SLC22A5: variants seen among roughly 807,000 people sequenced by gnomAD.
SLC22A5 encodes organic cation/carnitine transporter 2.
Under a neutral mutation model 56.7 loss-of-function variants are expected in SLC22A5, and 44 were observed. The ratio of observed to expected loss-of-function variants is 0.78; its 90% CI spans 0.61 to 1.00. SLC22A5 has a LOEUF of 1.00. Among genes scored for constraint, SLC22A5 ranks in the 50% least tolerant of loss-of-function variants. The pLI, the probability that SLC22A5 is intolerant of heterozygous loss-of-function variation, is 0.00. For synonymous variants in SLC22A5, 278 were observed against 292.1 expected (o/e 0.95, Z 0.49); for missense variants, 675 against 723.0 (o/e 0.93, Z 0.76).
intron 2 of SLC22A5, 91 bp downstream of exon 2, chr5:132,378,572 T>C (rs925788725): frequency 1.1e-6 from 1 of 920,874 alleles, no homozygotes. Flanking sequence ...TAGTATTCTT[T>C]CAGCGCAGGG....
At chr5:132,394,055 A>G (rs1314101200) in intron 9 of SLC22A5, 130 bp from the exon 10 acceptor site, 1 of 798,486 alleles carries the variant, frequency 1.3e-6, no homozygotes. Flanking sequence ...CTCAGAGGCT[A>G]GAAGAAACCT....
chr5:132,370,793 CT>C (rs1751885839), intron 1 of SLC22A5, among the ~76,000 whole-genome samples: 1 of 152,192 alleles, frequency 6.6e-6, no homozygotes, highest in South Asian at 2.1e-4. Flanking sequence ...AAATACTTCT[CT>C]TTCCTGAACT....
At chr5:132,378,884 C>T (rs1752246794) in intron 2 of SLC22A5, 1 of 254,062 alleles carries the variant, frequency 3.9e-6, no homozygotes, top group African/African-American at 2.2e-5. Flanking sequence ...GTGTCTGCCT[C>T]TGTAGTCCCA....
At position 132,387,498 on chromosome 5, in the gene SLC22A5, T is replaced by C. The variant is rs145939371; in HGVS notation, c.951+347T>C. ...TAAAGTCAGCATTTGGGAAAATCATTGTTTCTTATACCTAAGGTGGCTTGT... is the reference window on the plus strand; with the variant it reads ...TAAAGTCAGCATTTGGGAAAATCATCGTTTCTTATACCTAAGGTGGCTTGT... On this transcript the variant is annotated intron_variant, in intron 5 of 9. Transcript: ENST00000245407. Among the ~76,000 whole-genome samples, 1,053 of 152,332 alleles carry C rather than the reference T, an allele frequency of 6.9e-3. 14 individuals are homozygous for C. The highest frequency in any genetic ancestry group is 0.024 in the African/African-American group (1,018 of 41,560).
At chr5:132,370,483 C>T (rs116370664) in intron 1 of SLC22A5, 118 bp downstream of exon 1, 2 of 1,175,142 alleles carry the variant, frequency 1.7e-6, no homozygotes, top group Non-Finnish European at 1.2e-6. Context: ...CCTCCCCCAA[C>T]GGTCAACACC....
At chr5:132,371,182 G>T (rs1320424800) in intron 1 of SLC22A5, among the ~76,000 whole-genome samples, 2 of 152,088 alleles carry the variant, frequency 1.3e-5, no homozygotes, top group African/African-American at 4.8e-5. Flanking sequence ...GGCCAGGATG[G>T]TCTCGATCTC....
In SLC22A5 at chr5:132,392,465, G is replaced by C. The variant is rs1431775821; in HGVS notation, c.1300G>C (p.Val434Leu). 3 of 1,614,096 alleles carry C rather than the reference G, an allele frequency of 1.9e-6. No homozygotes were observed. The highest frequency in any genetic ancestry group is 2.7e-5 in the African/African-American group (2 of 74,936). ...TTATTTGGCTACAGTCCTGGTGATG[G>C]TGGGCAAGTTTGGAGTCACGGCTGC... Reference protein sequence around the residue: ...LYYLATVLVMVGKFGVTAAFS... With the variant: ...LYYLATVLVMLGKFGVTAAFS... Residue 434 changes from valine to leucine, a missense_variant, in exon 8 of 10, where the codon GTG (valine) becomes CTG (leucine). By Grantham distance (32) the Val-to-Leu change is conservative. Transcript: ENST00000245407.
intron 1 of SLC22A5, among the ~76,000 whole-genome samples, chr5:132,370,822 G>A (rs991941281): frequency 6.6e-6 from 1 of 152,136 alleles, no homozygotes. Context: ...GTTAAATAAA[G>A]CATGTGTATA....
Position 132,378,431 on chromosome 5 carries a change from C to G in SLC22A5, c.447C>G (p.Phe149Leu), listed in dbSNP as rs780989844. The stretch of plus-strand genomic sequence containing the variant: ...AGGCCCCACTCACAATCTCCTTGTT[C>G]TTCGTGGGTGTGCTGTTGGGCTCCT... ...DWKAPLTISL[F>L]FVGVLLGSFI... Residue 149 changes from phenylalanine (F) to leucine (L), a missense_variant, in exon 2 of 10, where the codon TTC becomes TTG. Physicochemically the swap from Phe to Leu is conservative, Grantham distance 22. Transcript: ENST00000245407. 6.2e-7 allele frequency: 1 copy of G among 1,614,246 alleles called. No homozygotes were observed. The highest frequency in any genetic ancestry group is 8.5e-7 in the Non-Finnish European group (1 of 1,180,050).
chr5:132,383,974 G>A (rs1438076203), intron 2 of SLC22A5, 173 bp from the exon 3 acceptor site: 10 of 681,568 alleles, frequency 1.5e-5, no homozygotes, highest in Non-Finnish European at 2.6e-5. Flanking sequence ...GGAGTGGGGA[G>A]GGGGAGAAAT....
chr5:132,394,004 G>T (rs1049721050), intron 9 of SLC22A5, among the ~76,000 whole-genome samples, 181 bp from the exon 10 acceptor site: 1 of 152,194 alleles, frequency 6.6e-6, no homozygotes, highest in African/African-American at 2.4e-5. Flanking sequence ...GTGTGGACAT[G>T]TCACTATACA....
intron 1 of SLC22A5, chr5:132,377,078 A>G (rs1752168350): frequency 6.6e-6 from 1 of 152,052 alleles, no homozygotes; most frequent in African/African-American, 2.4e-5. Context: ...TTGCCACCCT[A>G]CTCCCAGCCC....
chr5:132,382,169 A>AC (rs1491417611), intron 2 of SLC22A5: 1 of 152,088 alleles, frequency 6.6e-6, no homozygotes, highest in Non-Finnish European at 1.5e-5. Context: ...GAAAAAAACA[A>AC]CAACAACAGA....
At chr5:132,385,600 C>T in intron 4 of SLC22A5, 101 bp downstream of exon 4, 1 of 944,676 alleles carries the variant, frequency 1.1e-6, no homozygotes, top group Non-Finnish European at 1.7e-6. Context: ...TTTTGTCTCC[C>T]AGAGACAGGA....
chr5:132,382,528 A>G (rs1054803973), intron 2 of SLC22A5: 1 of 152,130 alleles, frequency 6.6e-6, no homozygotes, highest in East Asian at 1.9e-4. Flanking sequence ...TATACTGTGA[A>G]TATCATTGAG....
chr5:132,384,874 C>T (rs1752469397), intron 3 of SLC22A5, among the ~76,000 whole-genome samples: 1 of 152,156 alleles, frequency 6.6e-6, no homozygotes, highest in African/African-American at 2.4e-5. Flanking sequence ...GCCAGGCCGG[C>T]CTGTGTTTGG....
At position 132,394,319 on chromosome 5, in the gene SLC22A5, C is replaced by T. The variant is rs1045020; in HGVS notation, c.*47C>T. ...AACTGAAGAGGAAAGACTGTCTTGC[C>T]AGAAATGGCCAGCTTGTGCAGACTC... On this transcript the variant is annotated 3_prime_UTR_variant, in exon 10 of 10. Transcript: ENST00000245407. 153,135 of 1,350,930 alleles carry T rather than the reference C, an allele frequency of 0.11. 10,146 individuals carry two copies. Among genetic ancestry groups the T allele is most frequent in the Non-Finnish European group, 0.13 (118,921 of 940,630 alleles). The allele number at this position is 1,350,930 out of a possible 1,614,324, so 83.7% of individuals were successfully genotyped here. A position where few individuals can be genotyped will look rare whatever the true frequency, so the allele number is the denominator to read the frequency against.
chr5:132,393,831 C>A lies in SLC22A5; in HGVS notation c.1586+20C>A. On this transcript the variant is annotated intron_variant, in intron 9 of 9. Transcript: ENST00000245407. The stretch of plus-strand genomic sequence containing the variant: ...CAAAGGGTAAGAAGACCTCCTCTGT[C>A]AGTGTTGATGCACTGGGTCTGGGTC... 1.2e-6 allele frequency: 2 copies of A among 1,614,012 alleles called. No homozygotes were observed.
intron 2 of SLC22A5, chr5:132,382,077 A>G (rs1211283052): frequency 6.6e-6 from 1 of 152,194 alleles, no homozygotes; most frequent in African/African-American, 2.4e-5. Flanking sequence ...ATTTTGTTCT[A>G]GGGCATTTTC....
Sources: gnomAD v4.1 joint callset for allele counts (sites outside exome capture counted in the v4.1 genomes callset) on GRCh38, gnomAD v4.1.1 for gene constraint, MANE v1.5 for transcripts, NCBI Gene and HGNC (gene_info 2026-07-23, HGNC 2026-07-21) for gene names.